Variants in MLLT1 observed in about 807,000 individuals in gnomAD.
MLLT1 encodes the protein protein ENL.
MLLT1 carries 11 observed loss-of-function variants against 55.1 expected under a neutral mutation model. The observed-to-expected ratio is 0.20, with a 90% CI of 0.13 to 0.33. MLLT1 has a LOEUF of 0.33. Among genes scored for constraint, MLLT1 ranks in the 10% least tolerant of loss-of-function variants. MLLT1 has a pLI of 1.00. For synonymous variants in MLLT1, 323 were observed against 320.1 expected (o/e 1.01, Z -0.10); for missense variants, 536 against 760.6 (o/e 0.70, Z 3.47).
intron 3 of MLLT1, among the ~76,000 whole-genome samples, chr19:6,255,433 C>T (rs2144926775): frequency 6.6e-6 from 1 of 152,236 alleles, no homozygotes; most frequent in East Asian, 1.9e-4. Flanking sequence ...GCAGAGGTTG[C>T]AGTGAGCCAA....
rs78383133 is a variant in MLLT1 at position 6,217,599 on chromosome 19, G to T, written c.1198+355C>A. 5.2e-3 allele frequency among the ~76,000 whole-genome samples: 788 copies of T among 152,324 alleles called. 6 individuals are homozygous for T. Among genetic ancestry groups the T allele is most frequent in the African/African-American group, 0.018 (750 of 41,570 alleles). On this transcript the variant is annotated intron_variant, in intron 7 of 11. Coordinates refer to ENST00000252674, the MANE Select transcript of MLLT1 (RefSeq NM_005934.4). ...CAGTGCCTCGCTGGCCCTGGGGAGC[G>T]GGTGGGATGGGCGGAGGAGGTGACG... is the stretch of plus-strand genomic sequence containing the variant.
In MLLT1 at chr19:6,223,315, G is replaced by A. The variant is rs567957858; in HGVS notation, c.547-631C>T. Among the ~76,000 whole-genome samples, 10 of 152,318 alleles carry A rather than the reference G, an allele frequency of 6.6e-5. No individual in the cohort carries two copies. The South Asian group carries it at 2.1e-3, about 32-fold the overall frequency. On this transcript the variant is annotated intron_variant, in intron 5 of 11. Transcript: ENST00000252674. ...TCCCAGGTACCGCACGGAGCAAACA[G>A]CTCCCGGGCTTCTCAGAAGGGAAAC... is the stretch of plus-strand genomic sequence containing the variant.
chr19:6,263,804 G>A (rs969143010), intron 2 of MLLT1, among the ~76,000 whole-genome samples: 5 of 152,218 alleles, frequency 3.3e-5, no homozygotes, highest in Middle Eastern at 3.2e-3. Context: ...ACAAGGAGGC[G>A]ACGGCTCAGA....
At chr19:6,223,039 G>A (rs1166978469) in intron 5 of MLLT1, among the ~76,000 whole-genome samples, 1 of 152,220 alleles carries the variant, frequency 6.6e-6, no homozygotes, top group African/African-American at 2.4e-5. Context: ...CTGGGCCTGG[G>A]CAAGTCAGAG....
At chr19:6,277,930 C>T (rs529765786) in intron 1 of MLLT1, among the ~76,000 whole-genome samples, 1 of 152,252 alleles carries the variant, frequency 6.6e-6, no homozygotes. Flanking sequence ...CAATCAACTG[C>T]TGCAAACTCT....
chr19:6,216,380 C>G, intron 8 of MLLT1, 25 bp downstream of exon 8: 1 of 1,562,892 alleles, frequency 6.4e-7, no homozygotes. Flanking sequence ...CCGCCTCCGC[C>G]CCCTGGCTCC....
rs368282986 is a variant in MLLT1 at position 6,270,104 on chromosome 19, C to T, written c.193+475G>A. ...CAGGTGGAGACGCTGACAGAATACA[C>T]GACTGAGGCACTCGTGCTGAATCAA... is the stretch of plus-strand genomic sequence containing the variant. On this transcript the variant is annotated intron_variant, in intron 2 of 11. Transcript: ENST00000252674. The surrounding 1 kb of genome is among the most constrained non-coding windows in gnomAD (Gnocchi z 7.1). 1.2e-4 allele frequency among the ~76,000 whole-genome samples: 18 copies of T among 151,930 alleles called. No homozygotes were observed. The highest frequency in any genetic ancestry group is 2.4e-4 in the Non-Finnish European group (16 of 67,964).
At chr19:6,217,060 T>C (rs1351436803) in intron 7 of MLLT1, 1 of 153,328 alleles carries the variant, frequency 6.5e-6, no homozygotes, top group African/African-American at 2.4e-5. Flanking sequence ...ATATTCCTGT[T>C]ACCAAGGCAA....
chr19:6,223,230 C>T (rs1383102483), intron 5 of MLLT1, among the ~76,000 whole-genome samples: 2 of 152,226 alleles, frequency 1.3e-5, no homozygotes, highest in African/African-American at 4.8e-5. Context: ...CCCCCAGGGT[C>T]CAGCCAGCTC....
chr19:6,252,398 T>G (rs1011960510), intron 3 of MLLT1, among the ~76,000 whole-genome samples: 1 of 152,170 alleles, frequency 6.6e-6, no homozygotes, highest in East Asian at 1.9e-4. Context: ...ATTCCCCCAA[T>G]AAGTTCCCTC....
Position 6,235,896 on chromosome 19 carries a change from G to A in MLLT1, c.277-5183C>T, listed in dbSNP as rs1286808386. Among the ~76,000 whole-genome samples, 2 of 151,944 alleles carry A rather than the reference G, an allele frequency of 1.3e-5. No homozygotes were observed. Among genetic ancestry groups the A allele is most frequent in the Non-Finnish European group, 2.9e-5 (2 of 67,982 alleles). The stretch of plus-strand genomic sequence containing the variant: ...CTGACCCCCACCCGCCCTTATCCCG[G>A]CCTGCTGCTGTCCCCAGGCACAGAG... On this transcript the variant is annotated intron_variant, in intron 3 of 11. Coordinates refer to ENST00000252674, the MANE Select transcript of MLLT1 (RefSeq NM_005934.4). The surrounding 1 kb of genome is among the most constrained non-coding windows in gnomAD (Gnocchi z 5.5).
At position 6,211,997 on chromosome 19, in the gene MLLT1, C is replaced by T; in HGVS notation, c.*1045G>A. 1 of 1,065,692 alleles carries T rather than the reference C, an allele frequency of 9.4e-7. No individual in the cohort carries two copies. The highest frequency in any genetic ancestry group is 1.1e-6 in the Non-Finnish European group (1 of 879,218). 66.0% of individuals were successfully genotyped at this position (1,065,692 alleles called of 1,614,324 possible). A position where few individuals can be genotyped will look rare whatever the true frequency, so the allele number is the denominator to read the frequency against. ...GATGGCCGAGCCCACGCTCGAGGGG[C>T]TGACCAGAGTTCAATGCGCCTCAGA... On this transcript the variant is annotated 3_prime_UTR_variant, in exon 12 of 12. Coordinates refer to ENST00000252674, the MANE Select transcript of MLLT1 (RefSeq NM_005934.4). The surrounding 1 kb of genome is among the most constrained non-coding windows in gnomAD (Gnocchi z 4.6).
chr19:6,214,532 G>T (rs2090819958), intron 8 of MLLT1, among the ~76,000 whole-genome samples: 1 of 152,204 alleles, frequency 6.6e-6, no homozygotes, highest in African/African-American at 2.4e-5. Context: ...ACCCTAGAGG[G>T]TGTGGTCCTA....
At position 6,213,401 on chromosome 19, in the gene MLLT1, G is replaced by A; in HGVS notation, c.1487C>T (p.Thr496Met). 3 of 1,611,304 alleles carry A rather than the reference G, an allele frequency of 1.9e-6. No individual in the cohort carries two copies. The highest frequency in any genetic ancestry group is 1.7e-6 in the Non-Finnish European group (2 of 1,179,786). ...CCGGTGTAGCTCCACCAGCTCATCCGTGTAGGCCTGGGGAGGGGGGGCAGG... is the reference window on the plus strand; with the variant it reads ...CCGGTGTAGCTCCACCAGCTCATCCATGTAGGCCTGGGGAGGGGGGGCAGG... ...LKKGTYDKAY[T>M]DELVELHRRL... The change falls in exon 11 of 12, where the codon ACG becomes ATG. Residue 496 changes from threonine (T) to methionine (M), a missense_variant. Thr to Met is a moderately conservative substitution (Grantham distance 81). Transcript: ENST00000252674.
At chr19:6,223,671 C>T (rs1052593612) in intron 5 of MLLT1, among the ~76,000 whole-genome samples, 2 of 152,158 alleles carry the variant, frequency 1.3e-5, no homozygotes, top group African/African-American at 4.8e-5. Context: ...GCTCAGCCCG[C>T]GGCCAGCCTG....
chr19:6,226,023 T>C lies in MLLT1; in HGVS notation c.546+954A>G, dbSNP rs1257422768. On this transcript the variant is annotated intron_variant, in intron 5 of 11. Transcript: ENST00000252674. This position sits in a 1 kb window ranked among gnomAD's most constrained non-coding sequence, Gnocchi z 6.3. The stretch of plus-strand genomic sequence containing the variant: ...GGCAAGTCTGACGATTTCTAAGACC[T>C]GCTGGCCTTGGGGAAAGAGCCAGAA... Among the ~76,000 whole-genome samples, 2 of 152,236 alleles carry C rather than the reference T, an allele frequency of 1.3e-5. No individual in the cohort carries two copies. The highest frequency in any genetic ancestry group is 2.9e-5 in the Non-Finnish European group (2 of 68,034).
In MLLT1 at chr19:6,212,471, A is replaced by T; in HGVS notation, c.*571T>A. On this transcript the variant is annotated 3_prime_UTR_variant, in exon 12 of 12. Coordinates refer to ENST00000252674, the MANE Select transcript of MLLT1 (RefSeq NM_005934.4). ...ACGCACATGGACACTGCTCTTGACC[A>T]GACAGTGCACACACATATATAATAG... 1 of 1,066,286 alleles carries T rather than the reference A, an allele frequency of 9.4e-7. No individual in the cohort carries two copies. Among genetic ancestry groups the T allele is most frequent in the Non-Finnish European group, 1.1e-6 (1 of 879,952 alleles). 66.1% of individuals were successfully genotyped at this position (1,066,286 alleles called of 1,614,324 possible). A position where few individuals can be genotyped will look rare whatever the true frequency, so the allele number is the denominator to read the frequency against.
intron 3 of MLLT1, among the ~76,000 whole-genome samples, chr19:6,236,492 C>T (rs1449818063): frequency 6.6e-6 from 1 of 152,118 alleles, no homozygotes; most frequent in African/African-American, 2.4e-5. Context: ...ACGAGGAGAC[C>T]CGGCATGTTC....
chr19:6,233,675 G>A (rs1358171944), intron 3 of MLLT1, among the ~76,000 whole-genome samples: 2 of 152,244 alleles, frequency 1.3e-5, no homozygotes, highest in African/African-American at 2.4e-5. Flanking sequence ...TCCACCACAG[G>A]ACTATGTGGA....
Sources: allele counts gnomAD v4.1 joint callset (sites outside exome capture counted in the v4.1 genomes callset), GRCh38; gene constraint gnomAD v4.1.1; non-coding constraint Gnocchi (gnomAD v3.1); transcripts MANE v1.5; gene names NCBI Gene and HGNC (gene_info 2026-07-23, HGNC 2026-07-21).